The following CCDC178 variants were observed in gnomAD, a reference collection of about 807,000 sequenced individuals.
CCDC178 encodes coiled-coil domain-containing protein 178.
CCDC178 carries 126 observed loss-of-function variants against 117.4 expected under a neutral mutation model. That is an observed-to-expected ratio of 1.07 (90% CI 0.93 to 1.24). CCDC178 has a LOEUF of 1.24. Ranked by LOEUF, CCDC178 falls within the 50% of genes most tolerant of loss-of-function variation. The pLI is 0.00. For synonymous variants in CCDC178, 283 were observed against 313.4 expected (o/e 0.90, Z 1.02); for missense variants, 1,030 against 986.9 (o/e 1.04, Z -0.59).
chr18:33,227,554 GTGTATATATA>G (rs1568071667), intron 15 of CCDC178, among the ~76,000 whole-genome samples: 1 of 74,402 alleles, frequency 1.3e-5, no homozygotes, highest in South Asian at 7.3e-4. Context: ...GTGTGTGTGT[GTGTATATATA>G]TATATATATA....
At chr18:33,045,309 C>T (rs745864177) in intron 21 of CCDC178, among the ~76,000 whole-genome samples, 5 of 151,912 alleles carry the variant, frequency 3.3e-5, no homozygotes, top group Non-Finnish European at 7.4e-5. Context: ...TATGACCTAC[C>T]GTGTTAATGT....
At chr18:33,242,111 A>G (rs2059495242) in intron 15 of CCDC178, among the ~76,000 whole-genome samples, 1 of 151,930 alleles carries the variant, frequency 6.6e-6, no homozygotes, top group African/African-American at 2.4e-5. Context: ...AAATTAATTC[A>G]CATATTTACA....
intron 18 of CCDC178, among the ~76,000 whole-genome samples, chr18:33,215,946 T>G (rs992891920): frequency 1.3e-5 from 2 of 151,878 alleles, no homozygotes; most frequent in African/African-American, 4.8e-5. Flanking sequence ...AAAATTTTTT[T>G]AAATAGCCAG....
intron 21 of CCDC178, among the ~76,000 whole-genome samples, chr18:33,030,129 G>A (rs2056306920): frequency 6.6e-6 from 1 of 151,794 alleles, no homozygotes. Context: ...TGTCAGTTTT[G>A]CTAAATTTAT....
At chr18:33,214,445 A>G (rs1038239204) in intron 19 of CCDC178, among the ~76,000 whole-genome samples, 9 of 151,978 alleles carry the variant, frequency 5.9e-5, no homozygotes, top group Admixed American at 2.0e-4. Flanking sequence ...TCTTGTCTGA[A>G]AGGCCATATA....
chr18:33,368,632 T>A (rs1258621444), intron 6 of CCDC178, among the ~76,000 whole-genome samples: 1 of 151,950 alleles, frequency 6.6e-6, no homozygotes. Context: ...CAGGAAAGAA[T>A]ATGGGCTTTG....
intron 21 of CCDC178, among the ~76,000 whole-genome samples, chr18:33,019,618 G>T (rs1003691260): frequency 2.6e-5 from 4 of 152,170 alleles, no homozygotes; most frequent in Admixed American, 2.6e-4. Context: ...ACCATTAGAT[G>T]CTGTGAAAGG....
At position 33,073,248 on chromosome 18, in the gene CCDC178, T is replaced by C. The variant is rs955021682; in HGVS notation, c.2388+19513A>G. Among the ~76,000 whole-genome samples the C allele has an allele frequency of 8.6e-5, 13 of 151,996 alleles. No homozygotes were observed. The East Asian group carries it at 1.7e-3, about 20-fold the overall frequency. ...GAATGTAGCTTCCCAGGTAGACTGA[T>C]AGATGGATAGAAATGATTATAATAA... On this transcript the variant is annotated intron_variant, in intron 21 of 22. Coordinates refer to ENST00000383096, the MANE Select transcript of CCDC178 (RefSeq NM_001105528.4).
intron 21 of CCDC178, among the ~76,000 whole-genome samples, chr18:33,028,925 GTA>G (rs2056281024): frequency 6.6e-6 from 1 of 151,730 alleles, no homozygotes; most frequent in African/African-American, 2.4e-5. Flanking sequence ...TTGTTTGTTT[GTA>G]TATTATTAAG....
At chr18:33,154,251 TTTTTCTTGGAAGACACC>T (rs1278554009) in intron 20 of CCDC178, among the ~76,000 whole-genome samples, 1 of 152,052 alleles carries the variant, frequency 6.6e-6, no homozygotes, top group Non-Finnish European at 1.5e-5. Flanking sequence ...TTGACTCAGC[TTTTTCTTGGAAGACACC>T]TAGCAGTCAG....
At chr18:33,237,109 AC>A (rs2059433939) in intron 15 of CCDC178, among the ~76,000 whole-genome samples, 1 of 152,026 alleles carries the variant, frequency 6.6e-6, no homozygotes, top group African/African-American at 2.4e-5. Context: ...TACCAGAGCC[AC>A]CTCTAGAGTG....
intron 21 of CCDC178, among the ~76,000 whole-genome samples, chr18:32,994,025 C>T (rs114832038): frequency 1.4e-3 from 218 of 152,032 alleles, no homozygotes; most frequent in African/African-American, 5.0e-3. Context: ...AGGCATCACC[C>T]CACCCCAAGC....
At chr18:33,050,955 G>A (rs2056736803) in intron 21 of CCDC178, among the ~76,000 whole-genome samples, 1 of 152,062 alleles carries the variant, frequency 6.6e-6, no homozygotes, top group Admixed American at 6.6e-5. Flanking sequence ...GTCTGTCACT[G>A]AGGCTAGAGT....
chr18:33,315,666 G>C (rs980896342), intron 11 of CCDC178, among the ~76,000 whole-genome samples: 1 of 152,138 alleles, frequency 6.6e-6, no homozygotes, highest in Non-Finnish European at 1.5e-5. Context: ...AAAAGTGTTC[G>C]AACCAGAGTG....
chr18:33,343,339 G>A (rs1263546932), intron 9 of CCDC178, among the ~76,000 whole-genome samples: 1 of 152,072 alleles, frequency 6.6e-6, no homozygotes, highest in African/African-American at 2.4e-5. Context: ...TTAATTTGTA[G>A]GATCATATAC....
intron 21 of CCDC178, among the ~76,000 whole-genome samples, chr18:33,086,020 G>T (rs1402432903): frequency 6.6e-6 from 1 of 151,918 alleles, no homozygotes. Flanking sequence ...TAATCCCACA[G>T]AATTGAAAAT....
chr18:33,040,906 T>A (rs1019232113), intron 21 of CCDC178, among the ~76,000 whole-genome samples: 2 of 151,920 alleles, frequency 1.3e-5, no homozygotes, highest in African/African-American at 4.8e-5. Flanking sequence ...GCATCGAGTA[T>A]ATGCAATTGT....
intron 21 of CCDC178, among the ~76,000 whole-genome samples, chr18:32,999,399 G>A (rs2055585620): frequency 6.6e-6 from 1 of 152,142 alleles, no homozygotes; most frequent in Non-Finnish European, 1.5e-5. Context: ...ACCCACTCAG[G>A]GCCAGGGGAA....
intron 15 of CCDC178, among the ~76,000 whole-genome samples, chr18:33,228,344 A>AC (rs1412411234): frequency 3.3e-5 from 5 of 152,148 alleles, no homozygotes; most frequent in Admixed American, 2.6e-4. Context: ...TTAATTGTCA[A>AC]CTAGTGAGAA....
Sources: gnomAD v4.1 joint callset for allele counts (sites outside exome capture counted in the v4.1 genomes callset) on GRCh38, gnomAD v4.1.1 for gene constraint, MANE v1.5 for transcripts, NCBI Gene and HGNC (gene_info 2026-07-23, HGNC 2026-07-21) for gene names.